Variants in ABTB2 observed in about 807,000 individuals in gnomAD.
The protein encoded by ABTB2 is ankyrin repeat and BTB/POZ domain-containing protein 2.
Under a neutral mutation model 104.1 loss-of-function variants are expected in ABTB2, and 56 were observed. The observed-to-expected ratio is 0.54, with a 90% CI of 0.43 to 0.67. ABTB2 has a LOEUF of 0.67. Among genes scored for constraint, ABTB2 ranks in the 30% least tolerant of loss-of-function variants. The probability of loss-of-function intolerance (pLI) is 0.00; values close to 1 mark genes in which losing one functional copy is unlikely to be tolerated. For missense variants in ABTB2, 1,279 were observed against 1,407.7 expected, an observed-to-expected ratio of 0.91 and a Z score of 1.46; for synonymous variants, 606 against 608.2, an observed-to-expected ratio of 1.00 and a Z score of 0.05.
intron 1 of ABTB2, among the ~76,000 whole-genome samples, chr11:34,213,615 C>T (rs183611862): frequency 7.2e-5 from 11 of 152,328 alleles, no homozygotes; most frequent in Admixed American, 4.6e-4. Flanking sequence ...CAGAGGATGA[C>T]TATTAGGTGC....
At position 34,197,489 on chromosome 11, in the gene ABTB2, C is replaced by T; in HGVS notation, c.1080G>A (p.Leu360=). Residue 360 remains leucine (L), a synonymous_variant, in exon 3 of 17, where the codon CTG becomes CTA. Transcript: ENST00000435224. The part of the protein sequence containing the change: ...AMHHMQGRHP[L]CPGASPARQA... The stretch of plus-strand genomic sequence containing the variant: ...GGCGGGCAGGGCTGGCACCCGGGCA[C>T]AGGGGGTGACGCCCCTGCATGTGGT... 10 of 1,580,014 alleles carry T rather than the reference C, an allele frequency of 6.3e-6. No homozygotes were observed. The highest frequency in any genetic ancestry group is 8.6e-6 in the Non-Finnish European group (10 of 1,165,662).
intron 1 of ABTB2, among the ~76,000 whole-genome samples, chr11:34,341,268 G>A (rs563874359): frequency 5.3e-5 from 8 of 152,316 alleles, no homozygotes; most frequent in African/African-American, 9.6e-5. Flanking sequence ...CTGAGGCCAC[G>A]CAGCTTGGAA....
intron 3 of ABTB2, among the ~76,000 whole-genome samples, chr11:34,190,272 CA>C (rs61052853): frequency 1.5e-4 from 17 of 115,114 alleles, no homozygotes; most frequent in Admixed American, 1.9e-4. Context: ...GCTGCCCCCC[CA>C]AAAAAAAAAA....
chr11:34,247,427 T>C (rs1477571832), intron 1 of ABTB2, among the ~76,000 whole-genome samples: 1 of 152,236 alleles, frequency 6.6e-6, no homozygotes, highest in Admixed American at 6.5e-5. Flanking sequence ...ATAAGTTACA[T>C]GAGATATTCA....
At chr11:34,306,807 A>C (rs1461922648) in intron 1 of ABTB2, among the ~76,000 whole-genome samples, 1 of 152,054 alleles carries the variant, frequency 6.6e-6, no homozygotes, top group Non-Finnish European at 1.5e-5. Context: ...TTTATAGACA[A>C]ATATTACTTT....
At chr11:34,315,930 C>T (rs920636368) in intron 1 of ABTB2, among the ~76,000 whole-genome samples, 3 of 152,262 alleles carry the variant, frequency 2.0e-5, no homozygotes, top group Admixed American at 6.5e-5. Flanking sequence ...TTCTTCAAGG[C>T]GAGCTTATGC....
At chr11:34,243,473 C>T (rs1853947006) in intron 1 of ABTB2, among the ~76,000 whole-genome samples, 1 of 152,158 alleles carries the variant, frequency 6.6e-6, no homozygotes, top group South Asian at 2.1e-4. Flanking sequence ...ACCCCACATT[C>T]CTCATCCATA....
At chr11:34,265,466 G>A (rs1355044963) in intron 1 of ABTB2, among the ~76,000 whole-genome samples, 1 of 152,078 alleles carries the variant, frequency 6.6e-6, no homozygotes, top group African/African-American at 2.4e-5. Context: ...TTTCAGACCA[G>A]TCTGATCAAC....
chr11:34,152,153 T>C lies in ABTB2; in HGVS notation c.*234A>G, dbSNP rs1426403693. The C allele has an allele frequency of 1.1e-5, 6 of 543,198 alleles. No individual in the cohort carries two copies. 33.6% of individuals were successfully genotyped at this position (543,198 alleles called of 1,614,324 possible). ...GCTGCCCTTGAGTTGCAAACTGAGA[T>C]GGGGAGGAGGGCCACCAGTTAGCTA... is the stretch of plus-strand genomic sequence containing the variant. On this transcript the variant is annotated 3_prime_UTR_variant, in exon 17 of 17. Transcript: ENST00000435224.
rs145938092 is a variant in ABTB2 at position 34,299,914 on chromosome 11, T to C, written c.883+56787A>G. The stretch of plus-strand genomic sequence containing the variant: ...TTCACCTCTTTGTGCTCCAGTTTCA[T>C]CTCCGTAAAATGGGAATAACACTGC... On this transcript the variant is annotated intron_variant, in intron 1 of 16. Transcript: ENST00000435224. Among the ~76,000 whole-genome samples the C allele has an allele frequency of 1.8e-3, 281 of 152,288 alleles. 1 individual carries two copies. The highest frequency in any genetic ancestry group is 6.3e-3 in the African/African-American group (261 of 41,562).
Position 34,357,050 on chromosome 11 carries a change from G to T in ABTB2, c.534C>A (p.Ala178=). ...WALAESCALA[A]VKALSLYSMS... Reference sequence around the variant, plus strand: ...TGCTGTACAGGGACAGCGCCTTGACGGCTGCCAGCGCGCAGCTCTCGGCCA... The same window carrying T: ...TGCTGTACAGGGACAGCGCCTTGACTGCTGCCAGCGCGCAGCTCTCGGCCA... Residue 178 remains alanine (A), a synonymous_variant, in exon 1 of 17, where the codon GCC becomes GCA. Transcript: ENST00000435224. 1 of 1,529,394 alleles carries T rather than the reference G, an allele frequency of 6.5e-7. No individual in the cohort carries two copies. Among genetic ancestry groups the T allele is most frequent in the Non-Finnish European group, 8.8e-7 (1 of 1,139,334 alleles). 94.7% of individuals were successfully genotyped at this position (1,529,394 alleles called of 1,614,324 possible).
chr11:34,207,809 C>T (rs572890038), intron 1 of ABTB2, among the ~76,000 whole-genome samples: 1 of 152,356 alleles, frequency 6.6e-6, no homozygotes, highest in East Asian at 1.9e-4. Flanking sequence ...CTTGTCCTTT[C>T]TCGAGCTAGG....
Position 34,252,673 on chromosome 11 carries a change from C to T in ABTB2, c.884-47983G>A, listed in dbSNP as rs773726422. ...CACCTTCCTGAGGCTTAGAAGCTCTCCTGCCCTGGGGCTCCCCTACTTCAA... is the reference window on the plus strand; with the variant it reads ...CACCTTCCTGAGGCTTAGAAGCTCTTCTGCCCTGGGGCTCCCCTACTTCAA... On this transcript the variant is annotated intron_variant, in intron 1 of 16. Coordinates refer to ENST00000435224, the MANE Select transcript of ABTB2 (RefSeq NM_145804.3). The surrounding 1 kb of genome is among the most constrained non-coding windows in gnomAD (Gnocchi z 5.5). Among the ~76,000 whole-genome samples the T allele has an allele frequency of 1.3e-5, 2 of 152,164 alleles. No homozygotes were observed. Among genetic ancestry groups the T allele is most frequent in the South Asian group, 4.1e-4 (2 of 4,824 alleles).
At chr11:34,244,096 A>G (rs1389668315) in intron 1 of ABTB2, among the ~76,000 whole-genome samples, 1 of 152,112 alleles carries the variant, frequency 6.6e-6, no homozygotes, top group African/African-American at 2.4e-5. Context: ...TAGAAAAGAG[A>G]CTTGGTTCCC....
intron 1 of ABTB2, among the ~76,000 whole-genome samples, chr11:34,230,883 T>C (rs886764275): frequency 1.3e-5 from 2 of 152,228 alleles, no homozygotes; most frequent in African/African-American, 4.8e-5. Context: ...CTTTTTCTTT[T>C]TCTTTTTTGT....
At position 34,356,782 on chromosome 11, in the gene ABTB2, C is replaced by G; in HGVS notation, c.802G>C (p.Glu268Gln). Reference protein sequence around the residue: ...GGGEVSAEALEMVINNDAELW... With the variant: ...GGGEVSAEALQMVINNDAELW... ...TCGGCGTCGTTGTTGATGACCATCT[C>G]CAGGGCCTCAGCAGACACCTCCCCG... The change falls in exon 1 of 17, where the codon GAG becomes CAG. Residue 268 changes from glutamate to glutamine, a missense_variant. Coordinates refer to ENST00000435224, the MANE Select transcript of ABTB2 (RefSeq NM_145804.3). This position sits in a 1 kb window ranked among gnomAD's most constrained non-coding sequence, Gnocchi z 4.6. 6.2e-7 allele frequency: 1 copy of G among 1,611,290 alleles called. No homozygotes were observed. Among genetic ancestry groups the G allele is most frequent in the Non-Finnish European group, 8.5e-7 (1 of 1,178,914 alleles).
chr11:34,348,707 A>G lies in ABTB2; in HGVS notation c.883+7994T>C, dbSNP rs563168309. On this transcript the variant is annotated intron_variant, in intron 1 of 16. Coordinates refer to ENST00000435224, the MANE Select transcript of ABTB2 (RefSeq NM_145804.3). The stretch of plus-strand genomic sequence containing the variant: ...TCCCCAACTATGGGATGGAAGTTAT[A>G]TCTACCTTCCAGAGGAGCTGGGAGG... Among the ~76,000 whole-genome samples the G allele has an allele frequency of 6.6e-5, 10 of 152,256 alleles. No individual in the cohort carries two copies. The East Asian group carries it at 1.7e-3, about 26-fold the overall frequency.
chr11:34,164,581 A>G (rs1852771138), intron 9 of ABTB2, 105 bp downstream of exon 9: 5 of 1,309,166 alleles, frequency 3.8e-6, no homozygotes, highest in East Asian at 6.3e-5. Flanking sequence ...GTTTTGGGAA[A>G]GGTCTCCGGG....
intron 3 of ABTB2, among the ~76,000 whole-genome samples, chr11:34,183,916 C>A (rs1466584478): frequency 1.3e-5 from 2 of 151,966 alleles, no homozygotes; most frequent in Non-Finnish European, 2.9e-5. Context: ...AAAACAAAAA[C>A]AAACAAAAAA....
Sources: gnomAD v4.1 joint callset for allele counts (sites outside exome capture counted in the v4.1 genomes callset) on GRCh38, gnomAD v4.1.1 for gene constraint, Gnocchi (gnomAD v3.1) non-coding constraint, MANE v1.5 for transcripts, NCBI Gene and HGNC (gene_info 2026-07-23, HGNC 2026-07-21) for gene names.